Variants in AFG2A observed in about 807,000 individuals in gnomAD.
AFG2A encodes the protein ATPase family gene 2 protein homolog A.
chr4:123,035,534 T>C, the AFG2A span, among the ~76,000 whole-genome samples: 1 of 152,192 alleles, frequency 6.6e-6, no homozygotes, highest in African/African-American at 2.4e-5. Flanking sequence ...TAACCTGTTA[T>C]TCTTGGGACA....
the AFG2A span, among the ~76,000 whole-genome samples, chr4:123,146,880 A>T: frequency 6.6e-6 from 1 of 152,160 alleles, no homozygotes; most frequent in Non-Finnish European, 1.5e-5. Context: ...GGGACTGACT[A>T]CTAGGGCAAC....
chr4:123,135,256 C>T, the AFG2A span, among the ~76,000 whole-genome samples: 1 of 152,138 alleles, frequency 6.6e-6, no homozygotes, highest in South Asian at 2.1e-4. Flanking sequence ...AGGAATGTTC[C>T]TCCACACAGT....
chr4:123,220,501 C>T, the AFG2A span, among the ~76,000 whole-genome samples: 1 of 150,236 alleles, frequency 6.7e-6, no homozygotes, highest in African/African-American at 2.4e-5. Flanking sequence ...GTAATCCCAG[C>T]TGCTTGGGAG....
the AFG2A span, among the ~76,000 whole-genome samples, chr4:123,277,822 C>T: frequency 6.6e-6 from 1 of 152,166 alleles, no homozygotes; most frequent in African/African-American, 2.4e-5. Context: ...AGGGATAAAG[C>T]CTACTTGATC....
chr4:123,291,080 C>T, the AFG2A span, among the ~76,000 whole-genome samples: 1 of 151,962 alleles, frequency 6.6e-6, no homozygotes, highest in Admixed American at 6.5e-5. Context: ...GTTTTTGTTT[C>T]GTTTGTACTA....
At chr4:123,299,567 A>G in the AFG2A span, among the ~76,000 whole-genome samples, 3 of 152,194 alleles carry the variant, frequency 2.0e-5, no homozygotes, top group Non-Finnish European at 4.4e-5. Flanking sequence ...CCATTGTATC[A>G]TAATCCCCTT....
chr4:123,203,481 T>C, the AFG2A span, among the ~76,000 whole-genome samples: 1 of 152,180 alleles, frequency 6.6e-6, no homozygotes, highest in African/African-American at 2.4e-5. Context: ...CACCACCGTG[T>C]TGGCCAGGCT....
At chr4:122,986,004 AATTTTC>A in the AFG2A span, among the ~76,000 whole-genome samples, 1 of 151,570 alleles carries the variant, frequency 6.6e-6, no homozygotes, top group Non-Finnish European at 1.5e-5. Context: ...AGAATTTTTT[AATTTTC>A]ATCTTGATTT....
At chr4:123,175,120 A>C in the AFG2A span, among the ~76,000 whole-genome samples, 5 of 152,084 alleles carry the variant, frequency 3.3e-5, no homozygotes, top group African/African-American at 1.2e-4. Flanking sequence ...CTTAAACCCT[A>C]CTGCAAAAGC....
chr4:123,286,420 A>G, the AFG2A span, among the ~76,000 whole-genome samples: 1 of 152,348 alleles, frequency 6.6e-6, no homozygotes, highest in East Asian at 1.9e-4. Flanking sequence ...TGCATAAATT[A>G]TATCAGTAGT....
the AFG2A span, among the ~76,000 whole-genome samples, chr4:122,948,387 T>TACACACAC: frequency 0.026 from 3,394 of 129,550 alleles, 86 homozygotes; most frequent in Non-Finnish European, 0.034. Flanking sequence ...CTCCAGAGTA[T>TACACACAC]ACACACACAC....
At chr4:123,073,987 G>C in the AFG2A span, among the ~76,000 whole-genome samples, 2 of 151,780 alleles carry the variant, frequency 1.3e-5, no homozygotes, top group East Asian at 3.9e-4. Context: ...GTCACAGACA[G>C]TTATCTTTAG....
the AFG2A span, among the ~76,000 whole-genome samples, chr4:123,072,182 C>T: frequency 6.6e-6 from 1 of 152,128 alleles, no homozygotes; most frequent in East Asian, 1.9e-4. Flanking sequence ...TTTAATGGCC[C>T]TCACAGCAGT....
chr4:122,997,802 C>A, the AFG2A span, among the ~76,000 whole-genome samples: 4 of 152,066 alleles, frequency 2.6e-5, no homozygotes, highest in African/African-American at 7.2e-5. Context: ...TTTGCTAACA[C>A]TTGTTATTAT....
At chr4:123,251,089 G>A in the AFG2A span, among the ~76,000 whole-genome samples, 1 of 152,058 alleles carries the variant, frequency 6.6e-6, no homozygotes, top group Admixed American at 6.6e-5. Flanking sequence ...GATAGCTACA[G>A]CTAAAAAAAA....
chr4:122,975,670 T>C, the AFG2A span, among the ~76,000 whole-genome samples: 1 of 152,078 alleles, frequency 6.6e-6, no homozygotes, highest in African/African-American at 2.4e-5. Context: ...CCTTGAATTG[T>C]AGAACCTGAA....
chr4:123,309,098 G>C, the AFG2A span, among the ~76,000 whole-genome samples: 91 of 152,218 alleles, frequency 6.0e-4, no homozygotes, highest in Admixed American at 4.5e-3. Context: ...GAGTTGTTTG[G>C]TATCTCCCAA....
chr4:123,205,823 A>G, the AFG2A span, among the ~76,000 whole-genome samples: 2 of 152,216 alleles, frequency 1.3e-5, no homozygotes, highest in African/African-American at 4.8e-5. Flanking sequence ...CATTACAACT[A>G]TCACCATTAT....
At chr4:123,036,748 T>G in the AFG2A span, among the ~76,000 whole-genome samples, 1 of 152,070 alleles carries the variant, frequency 6.6e-6, no homozygotes, top group East Asian at 1.9e-4. Flanking sequence ...ATGAATGAAT[T>G]TGGGGAAGGA....
Sources: allele counts gnomAD v4.1 joint callset (sites outside exome capture counted in the v4.1 genomes callset), GRCh38; gene constraint gnomAD v4.1.1; transcripts MANE v1.5; gene names NCBI Gene and HGNC (gene_info 2026-07-23, HGNC 2026-07-21).